Variants in PDLIM4 observed in about 807,000 individuals in gnomAD.
PDLIM4 encodes the protein PDZ and LIM domain protein 4.
Under a neutral mutation model 31.3 loss-of-function variants are expected in PDLIM4, and 19 were observed. The ratio of observed to expected loss-of-function variants is 0.61; its 90% CI spans 0.42 to 0.89. The LOEUF (loss-of-function observed/expected upper bound fraction) is 0.89, where lower values mean the gene tolerates loss of function less well. Among genes scored for constraint, PDLIM4 ranks in the 40% least tolerant of loss-of-function variants. The probability of loss-of-function intolerance (pLI) is 0.00; values close to 1 mark genes in which losing one functional copy is unlikely to be tolerated. For missense variants in PDLIM4, 442 were observed against 461.1 expected (o/e 0.96, Z 0.38); for synonymous variants, 176 against 190.1 (o/e 0.93, Z 0.61).
At chr5:132,266,784 G>A (rs1165727414) in intron 3 of PDLIM4, 1 of 394,694 alleles carries the variant, frequency 2.5e-6, no homozygotes, top group Non-Finnish European at 4.6e-6. Context: ...GGACCAAGGT[G>A]CCTATGATGT....
Position 132,271,465 on chromosome 5 carries a change from C to T in PDLIM4, c.669C>T (p.Gly223=). 3 of 1,607,700 alleles carry T rather than the reference C, an allele frequency of 1.9e-6. No homozygotes were observed. Among genetic ancestry groups the T allele is most frequent in the Admixed American group, 1.7e-5 (1 of 60,024 alleles). Residue 223 remains glycine, a splice_region_variant and synonymous_variant, in exon 5 of 7, where the codon GGC becomes GGT. Coordinates refer to ENST00000253754, the MANE Select transcript of PDLIM4 (RefSeq NM_003687.4). The part of the protein sequence containing the change: ...YLQGMLEAGE[G]GDWPGPGGPR... ...AGGGCATGCTAGAGGCCGGCGAGGG[C>T]GGTAAGACGCCTGCCACCTGTCCCC...
intron 3 of PDLIM4, 96 bp from the exon 4 acceptor site, chr5:132,270,819 C>T: frequency 1.8e-6 from 2 of 1,095,408 alleles, no homozygotes; most frequent in Non-Finnish European, 2.7e-6. Context: ...AACTGACATC[C>T]ACCACCTGGC....
intron 1 of PDLIM4, among the ~76,000 whole-genome samples, chr5:132,258,581 G>A (rs1042660207): frequency 2.7e-4 from 41 of 152,180 alleles, no homozygotes; most frequent in African/African-American, 9.9e-4. Flanking sequence ...AGTGGAGGAG[G>A]TGACTCAGGC....
At position 132,266,692 on chromosome 5, in the gene PDLIM4, A is replaced by C. The variant is rs1187102478; in HGVS notation, c.327+147A>C. The C allele has an allele frequency of 5.4e-6, 3 of 552,028 alleles. No individual in the cohort carries two copies. In the African/African-American group the frequency reaches 5.7e-5, roughly 11 times the overall value. 34.2% of individuals were successfully genotyped at this position (552,028 alleles called of 1,614,324 possible). On this transcript the variant is annotated intron_variant, in intron 3 of 6. Coordinates refer to ENST00000253754, the MANE Select transcript of PDLIM4 (RefSeq NM_003687.4). ...CTGAAGCAGAAGTTTTCTCTGGACC[A>C]CATCCATACCCCATCCCATGTTCCT...
chr5:132,266,579 C>A, intron 3 of PDLIM4, 34 bp downstream of exon 3: 1 of 1,463,148 alleles, frequency 6.8e-7, no homozygotes, highest in South Asian at 1.2e-5. Flanking sequence ...TGGCCTGGCT[C>A]AGAGTGAGCC....
rs973737877 is a variant in PDLIM4, at chr5:132,272,719, T to G, written c.*490T>G. On this transcript the variant is annotated 3_prime_UTR_variant, in exon 7 of 7. Coordinates refer to ENST00000253754, the MANE Select transcript of PDLIM4 (RefSeq NM_003687.4). ...GTCATCGGCACTAGCGGGTTGGGGG[T>G]GGTGGTGGGGTGCTGGCAGCCTCAG... is the stretch of plus-strand genomic sequence containing the variant. 15 of 200,364 alleles carry G rather than the reference T, an allele frequency of 7.5e-5. No homozygotes were observed. The Admixed American group carries it at 8.0e-4, about 11-fold the overall frequency. The allele number at this position is 200,364 out of a possible 1,614,324, so 12.4% of individuals were successfully genotyped here.
chr5:132,272,275 C>T lies in PDLIM4; in HGVS notation c.*46C>T, dbSNP rs1756644146. On this transcript the variant is annotated 3_prime_UTR_variant, in exon 7 of 7. Coordinates refer to ENST00000253754, the MANE Select transcript of PDLIM4 (RefSeq NM_003687.4). ...CCTGCTTCTTAAGGTCCCTGCTCGG[C>T]CGGTGTAAATATGTTTCACCCTGTC... is the stretch of plus-strand genomic sequence containing the variant. The T allele has an allele frequency of 1.3e-6, 2 of 1,494,764 alleles. No homozygotes were observed. The highest frequency in any genetic ancestry group is 1.4e-5 in the African/African-American group (1 of 72,702). The allele number at this position is 1,494,764 out of a possible 1,614,324, so 92.6% of individuals were successfully genotyped here.
At chr5:132,271,701 A>G in intron 5 of PDLIM4, 90 bp from the exon 6 acceptor site, 1 of 1,058,634 alleles carries the variant, frequency 9.4e-7, no homozygotes, top group Non-Finnish European at 1.5e-6. Context: ...TCGGGTGCCG[A>G]TGGCCCGTCT....
chr5:132,264,268 C>T (rs941418968), intron 2 of PDLIM4, among the ~76,000 whole-genome samples: 1 of 152,116 alleles, frequency 6.6e-6, no homozygotes, highest in Non-Finnish European at 1.5e-5. Flanking sequence ...GTCCTTTGTT[C>T]CAAACCAGGC....
chr5:132,264,695 C>T (rs2126674604), intron 2 of PDLIM4, among the ~76,000 whole-genome samples: 1 of 152,272 alleles, frequency 6.6e-6, no homozygotes, highest in African/African-American at 2.4e-5. Flanking sequence ...CTTTCTGACT[C>T]TGCTCCCTAT....
rs371212671 is a variant in PDLIM4 at position 132,266,531 on chromosome 5, G to A, written c.313G>A (p.Asp105Asn). 16 of 1,611,816 alleles carry A rather than the reference G, an allele frequency of 9.9e-6. No homozygotes were observed. Among genetic ancestry groups the A allele is most frequent in the East Asian group, 6.7e-5 (3 of 44,874 alleles). ...SKAQAHRIHI[D>N]PEIQDGSPTT... ...GGCTCAGGCACACAGGATCCACATCGATCCTGAGATCCAGGTATGTACAGA... is the reference window on the plus strand; with the variant it reads ...GGCTCAGGCACACAGGATCCACATCAATCCTGAGATCCAGGTATGTACAGA... Residue 105 changes from aspartate (D) to asparagine (N), a missense_variant, in exon 3 of 7, where the codon GAT becomes AAT. Physicochemically the swap from Asp to Asn is conservative, Grantham distance 23. Transcript: ENST00000253754.
At chr5:132,271,693 G>A (rs376066695) in intron 5 of PDLIM4, 98 bp from the exon 6 acceptor site, 2 of 1,021,406 alleles carry the variant, frequency 2.0e-6, no homozygotes, top group East Asian at 2.4e-5. Flanking sequence ...CCCCAGTCTC[G>A]GGTGCCGATG....
At chr5:132,270,522 G>A (rs1756581756) in intron 3 of PDLIM4, 1 of 241,198 alleles carries the variant, frequency 4.1e-6, no homozygotes, top group Non-Finnish European at 8.1e-6. Flanking sequence ...TTGGCACCAG[G>A]GCCACCTCTG....
intron 1 of PDLIM4, among the ~76,000 whole-genome samples, chr5:132,260,525 C>A (rs1756350151): frequency 6.6e-6 from 1 of 152,160 alleles, no homozygotes. Flanking sequence ...TACAACCTTC[C>A]TTCTTCTTTC....
chr5:132,271,829 C>T lies in PDLIM4; in HGVS notation c.709C>T (p.Pro237Ser). ...PGPGGPRNLK[P>S]TASKLGAPLS... ...GCCTGGCGGCCCCCGGAACCTCAAG[C>T]CCACGGCCAGCAAGCTGGGCGCTCC... is the stretch of plus-strand genomic sequence containing the variant. Residue 237 changes from proline to serine, a missense_variant, in exon 6 of 7, where the codon CCC becomes TCC. Pro to Ser is a moderately conservative substitution (Grantham distance 74). Coordinates refer to ENST00000253754, the MANE Select transcript of PDLIM4 (RefSeq NM_003687.4). The T allele has an allele frequency of 6.2e-7, 1 of 1,612,868 alleles. No homozygotes were observed. The highest frequency in any genetic ancestry group is 8.5e-7 in the Non-Finnish European group (1 of 1,179,534).
At chr5:132,266,009 A>G (rs1476817476) in intron 2 of PDLIM4, among the ~76,000 whole-genome samples, 1 of 151,778 alleles carries the variant, frequency 6.6e-6, no homozygotes, top group African/African-American at 2.4e-5. Flanking sequence ...CCTCCATTCC[A>G]CCTACCCCAG....
rs149057867 is a variant in PDLIM4, at chr5:132,262,635, G to C, written c.120G>C (p.Leu40Phe). 1.7e-5 allele frequency: 28 copies of C among 1,609,856 alleles called. No homozygotes were observed. The African/African-American group carries it at 3.7e-4, about 22-fold the overall frequency. Residue 40 changes from leucine to phenylalanine, a missense_variant, in exon 2 of 7, where the codon TTG (leucine) becomes TTC (phenylalanine). Transcript: ENST00000253754. ...SRVHAGSKAA[L>F]AALCPGDLIQ... is the part of the protein sequence containing the mutation. Reference sequence around the variant, plus strand: ...TCCATGCTGGCAGCAAGGCTGCATTGGCTGCCCTGTGCCCAGGAGACCTGA... The same window carrying C: ...TCCATGCTGGCAGCAAGGCTGCATTCGCTGCCCTGTGCCCAGGAGACCTGA...
In PDLIM4 at chr5:132,272,171, C is replaced by A; in HGVS notation, c.935C>A (p.Pro312Gln). 2 of 1,614,254 alleles carry A rather than the reference C, an allele frequency of 1.2e-6. No individual in the cohort carries two copies. The highest frequency in any genetic ancestry group is 1.7e-6 in the Non-Finnish European group (2 of 1,180,054). The change falls in exon 7 of 7, where the codon CCG becomes CAG. Residue 312 changes from proline to glutamine, a missense_variant. Transcript: ENST00000253754. Reference protein sequence around the residue: ...CESHAKARVKPPEGYDVVAVY... With the variant: ...CESHAKARVKQPEGYDVVAVY... ...AGCCACGCCAAGGCGCGCGTGAAGCCGCCCGAGGGCTACGACGTGGTGGCG... is the reference window on the plus strand; with the variant it reads ...AGCCACGCCAAGGCGCGCGTGAAGCAGCCCGAGGGCTACGACGTGGTGGCG...
rs1389567180 is a variant in PDLIM4, at chr5:132,271,454, G to C, written c.658G>C (p.Ala220Pro). 1.2e-6 allele frequency: 2 copies of C among 1,608,470 alleles called. No homozygotes were observed. The highest frequency in any genetic ancestry group is 1.7e-6 in the Non-Finnish European group (2 of 1,179,906). The change falls in exon 5 of 7, where the codon GCC becomes CCC. Residue 220 changes from alanine (A) to proline (P), a missense_variant. Physicochemically the swap from Ala to Pro is conservative, Grantham distance 27. Coordinates refer to ENST00000253754, the MANE Select transcript of PDLIM4 (RefSeq NM_003687.4). ...CCGCTACTTGCAGGGCATGCTAGAG[G>C]CCGGCGAGGGCGGTAAGACGCCTGC... The part of the protein sequence containing the change: ...SFRYLQGMLE[A>P]GEGGDWPGPG...
Sources: allele counts gnomAD v4.1 joint callset (sites outside exome capture counted in the v4.1 genomes callset), GRCh38; gene constraint gnomAD v4.1.1; transcripts MANE v1.5; gene names NCBI Gene and HGNC (gene_info 2026-07-23, HGNC 2026-07-21).